The following LAMC1 variants were observed in gnomAD, a reference collection of about 807,000 sequenced individuals.
The protein encoded by LAMC1 is laminin subunit gamma-1.
Under a neutral mutation model 173.6 loss-of-function variants are expected in LAMC1, and 38 were observed. The observed-to-expected ratio is 0.22, with a 90% CI of 0.17 to 0.29. The LOEUF (loss-of-function observed/expected upper bound fraction) is 0.29. Among genes scored for constraint, LAMC1 ranks in the 10% least tolerant of loss-of-function variants. LAMC1 has a pLI of 1.00. For missense variants in LAMC1, 1,824 were observed against 2,051.8 expected (o/e 0.89, Z 2.14); for synonymous variants, 746 against 749.1 (o/e 1.00, Z 0.07).
chr1:183,116,499 A>C, intron 6 of LAMC1, 78 bp from the exon 7 acceptor site: 1 of 1,003,776 alleles, frequency 1.0e-6, no homozygotes. Context: ...ATCTGTTAAC[A>C]TGTAAAACAA....
chr1:183,131,455 G>A, intron 20 of LAMC1, 77 bp downstream of exon 20: 1 of 1,027,924 alleles, frequency 9.7e-7, no homozygotes. Flanking sequence ...GTGTGTGTGT[G>A]TGTGTATTGT....
chr1:183,133,560 C>T lies in LAMC1; in HGVS notation c.3849+10C>T. On this transcript the variant is annotated intron_variant, in intron 22 of 27. Transcript: ENST00000258341. The stretch of plus-strand genomic sequence containing the variant: ...CTCTGAGACACTGGAGGTATGGGGG[C>T]AGCCTGTACGCACAGCCCCACCCCG... The T allele has an allele frequency of 1.2e-6, 2 of 1,604,842 alleles. No individual in the cohort carries two copies. Among genetic ancestry groups the T allele is most frequent in the Non-Finnish European group, 1.7e-6 (2 of 1,174,104 alleles).
chr1:183,114,211 A>G (rs184654154), intron 4 of LAMC1, among the ~76,000 whole-genome samples: 2 of 152,308 alleles, frequency 1.3e-5, no homozygotes, highest in African/African-American at 2.4e-5. Flanking sequence ...CTGGGATTAC[A>G]GGCATCTGCT....
chr1:183,023,628 C>T lies in LAMC1; in HGVS notation c.-89C>T. ...AGGCCCCTGGGCCCCCAGGCTCAAG[C>T]AGCGAAGCGGCCTCCGGGGGACGCC... On this transcript the variant is annotated 5_prime_UTR_variant, in exon 1 of 28. Coordinates refer to ENST00000258341, the MANE Select transcript of LAMC1 (RefSeq NM_002293.4). 9.8e-7 allele frequency: 1 copy of T among 1,024,396 alleles called. No individual in the cohort carries two copies. Among genetic ancestry groups the T allele is most frequent in the Non-Finnish European group, 1.2e-6 (1 of 830,010 alleles). 63.5% of individuals were successfully genotyped at this position (1,024,396 alleles called of 1,614,324 possible).
At chr1:183,063,703 C>T (rs182804451) in intron 1 of LAMC1, among the ~76,000 whole-genome samples, 154 of 152,328 alleles carry the variant, frequency 1.0e-3, no homozygotes, top group African/African-American at 3.4e-3. Context: ...GACAGAGACA[C>T]ATCTGTCTCA....
intron 1 of LAMC1, among the ~76,000 whole-genome samples, chr1:183,027,165 A>G (rs1003661043): frequency 2.0e-5 from 3 of 152,200 alleles, no homozygotes; most frequent in Non-Finnish European, 4.4e-5. Context: ...CGCTCTCTTA[A>G]GCACCATACA....
At chr1:183,079,210 C>T (rs1401801326) in intron 1 of LAMC1, among the ~76,000 whole-genome samples, 1 of 133,706 alleles carries the variant, frequency 7.5e-6, no homozygotes, top group African/African-American at 2.8e-5. Flanking sequence ...GCTTATCAAG[C>T]AACTTTCTGA....
rs576303503 is a variant in LAMC1, at chr1:183,093,452, A to G, written c.419-9876A>G. ...TTCTACTTCAGTGGCTTTTCTCTCC[A>G]GTCTCCTTTTCTGGGTCCTCCCCAT... On this transcript the variant is annotated intron_variant, in intron 1 of 27. Transcript: ENST00000258341. Among the ~76,000 whole-genome samples, 2 of 152,114 alleles carry G rather than the reference A, an allele frequency of 1.3e-5. 1 individual carries two copies. The highest frequency in any genetic ancestry group is 4.8e-5 in the African/African-American group (2 of 41,482).
chr1:183,132,721 G>A (rs1656830680), intron 21 of LAMC1, among the ~76,000 whole-genome samples, 184 bp downstream of exon 21: 2 of 152,056 alleles, frequency 1.3e-5, no homozygotes, highest in African/African-American at 2.4e-5. Flanking sequence ...CAGAGATTTG[G>A]TTTGATTCAA....
At position 183,143,629 on chromosome 1, in the gene LAMC1, A is replaced by G. The variant is rs6424890; in HGVS notation, c.*839A>G. The G allele has an allele frequency of 0.53, 80,891 of 152,224 alleles. 21,979 individuals carry two copies. Among genetic ancestry groups the G allele is most frequent in the South Asian group, 0.65 (3,112 of 4,820 alleles). 9.4% of individuals were successfully genotyped at this position (152,224 alleles called of 1,614,324 possible). On this transcript the variant is annotated 3_prime_UTR_variant, in exon 28 of 28. Transcript: ENST00000258341. ...AAATAGGGATATGATAACCACTAAA[A>G]TTTTGTTTTCAAAATCAAACTAATT... is the stretch of plus-strand genomic sequence containing the variant.
At chr1:183,104,418 A>G (rs1018301986) in intron 2 of LAMC1, among the ~76,000 whole-genome samples, 1 of 152,202 alleles carries the variant, frequency 6.6e-6, no homozygotes, top group African/African-American at 2.4e-5. Context: ...AAAGCTGGTG[A>G]GCCTCATGCT....
intron 1 of LAMC1, among the ~76,000 whole-genome samples, chr1:183,073,086 G>T (rs1350432304): frequency 6.6e-6 from 1 of 152,226 alleles, no homozygotes; most frequent in Non-Finnish European, 1.5e-5. Context: ...GTTGGGGACT[G>T]CTGGATTAAA....
chr1:183,117,895 A>G (rs1414556187), intron 10 of LAMC1, 139 bp from the exon 11 acceptor site: 3 of 743,684 alleles, frequency 4.0e-6, no homozygotes, highest in East Asian at 5.2e-5. Context: ...CAATTGTACT[A>G]CCAAACCAAT....
At chr1:183,115,453 T>C (rs1462860136) in intron 5 of LAMC1, 67 bp from the exon 6 acceptor site, 1 of 990,938 alleles carries the variant, frequency 1.0e-6, no homozygotes, top group African/African-American at 1.6e-5. Flanking sequence ...TATCTTTCTT[T>C]AACACATTGA....
chr1:183,057,164 A>G (rs1004561719), intron 1 of LAMC1, among the ~76,000 whole-genome samples: 2 of 152,266 alleles, frequency 1.3e-5, no homozygotes, highest in Admixed American at 1.3e-4. Context: ...AAAAGGAAAC[A>G]GATTCAGAGA....
intron 1 of LAMC1, among the ~76,000 whole-genome samples, chr1:183,066,783 C>A (rs1176914306): frequency 6.6e-6 from 1 of 152,074 alleles, no homozygotes; most frequent in African/African-American, 2.4e-5. Context: ...GGGAGGGGAA[C>A]ATCACATACT....
intron 1 of LAMC1, among the ~76,000 whole-genome samples, chr1:183,035,263 A>G (rs574904479): frequency 1.3e-5 from 2 of 152,312 alleles, no homozygotes; most frequent in African/African-American, 4.8e-5. Flanking sequence ...ATCCTATTTC[A>G]TTGCAGCCTC....
Position 183,103,599 on chromosome 1 carries a change from C to A in LAMC1, c.690C>A (p.Ser230Arg). The A allele has an allele frequency of 1.3e-6, 2 of 1,583,786 alleles. No homozygotes were observed. Among genetic ancestry groups the A allele is most frequent in the South Asian group, 1.2e-5 (1 of 85,752 alleles). Residue 230 changes from serine (S) to arginine (R), a missense_variant, in exon 2 of 28, where the codon AGC (serine) becomes AGA (arginine). By Grantham distance (110) the Ser-to-Arg change is moderately radical (BLOSUM62 -1). Coordinates refer to ENST00000258341, the MANE Select transcript of LAMC1 (RefSeq NM_002293.4). ...VAFSTLEGRP[S>R]AYNFDNSPVL... ...TTTCTACCCTGGAAGGAAGGCCCAGCGCCTATAACTTTGACAATAGCCCTG... is the reference window on the plus strand; with the variant it reads ...TTTCTACCCTGGAAGGAAGGCCCAGAGCCTATAACTTTGACAATAGCCCTG...
In LAMC1 at chr1:183,144,631, C is replaced by T. The variant is rs1657206658; in HGVS notation, c.*1841C>T. ...TTACAATGTTCCAGAGCAGGAACGC[C>T]AGGTTGACAAGCTATGGTAGGATTA... On this transcript the variant is annotated 3_prime_UTR_variant, in exon 28 of 28. Coordinates refer to ENST00000258341, the MANE Select transcript of LAMC1 (RefSeq NM_002293.4). 2 of 152,164 alleles carry T rather than the reference C, an allele frequency of 1.3e-5. No homozygotes were observed. Among genetic ancestry groups the T allele is most frequent in the South Asian group, 4.1e-4 (2 of 4,820 alleles). 9.4% of individuals were successfully genotyped at this position (152,164 alleles called of 1,614,324 possible).
Sources: allele counts gnomAD v4.1 joint callset (sites outside exome capture counted in the v4.1 genomes callset), GRCh38; gene constraint gnomAD v4.1.1; transcripts MANE v1.5; gene names NCBI Gene and HGNC (gene_info 2026-07-23, HGNC 2026-07-21).